The following FCHSD2 variants were observed in gnomAD, a reference collection of about 807,000 sequenced individuals.
The protein encoded by FCHSD2 is F-BAR and double SH3 domains protein 2.
Under a neutral mutation model 108.1 loss-of-function variants are expected in FCHSD2, and 38 were observed. The observed-to-expected ratio is 0.35, with a 90% CI of 0.27 to 0.46. The LOEUF (loss-of-function observed/expected upper bound fraction) is 0.46, where lower values mean the gene tolerates loss of function less well. Among genes scored for constraint, FCHSD2 ranks in the 20% least tolerant of loss-of-function variants. The pLI, the probability that FCHSD2 is intolerant of heterozygous loss-of-function variation, is 1.00. For synonymous variants in FCHSD2, 279 were observed against 314.7 expected (o/e 0.89, Z 1.20); for missense variants, 751 against 897.8 (o/e 0.84, Z 2.09).
At chr11:73,037,957 T>C (rs529817944) in intron 3 of FCHSD2, among the ~76,000 whole-genome samples, 38 of 152,352 alleles carry the variant, frequency 2.5e-4, no homozygotes, top group African/African-American at 8.9e-4. Flanking sequence ...ATTTTATTTT[T>C]ATATGAAATA....
intron 2 of FCHSD2, among the ~76,000 whole-genome samples, chr11:73,113,353 C>CT (rs35979371): frequency 0.032 from 947 of 29,924 alleles, 341 homozygotes; most frequent in Non-Finnish European, 0.043. Flanking sequence ...CCAAGATGGT[C>CT]TTTTTTTTTT....
intron 10 of FCHSD2, among the ~76,000 whole-genome samples, chr11:72,891,147 AT>A (rs1313064908): frequency 2.6e-5 from 4 of 151,976 alleles, no homozygotes; most frequent in African/African-American, 9.7e-5. Context: ...GGAGTTCAAC[AT>A]CTTGAACTCC....
intron 8 of FCHSD2, among the ~76,000 whole-genome samples, chr11:72,968,337 G>C (rs968005106): frequency 2.4e-4 from 36 of 152,254 alleles, no homozygotes; most frequent in African/African-American, 8.2e-4. Flanking sequence ...TTATCATTCT[G>C]TTTCCTAGAA....
chr11:72,864,435 CTCAGGAGGCTGAG>C (rs1854678445), intron 13 of FCHSD2, among the ~76,000 whole-genome samples: 1 of 152,086 alleles, frequency 6.6e-6, no homozygotes, highest in Non-Finnish European at 1.5e-5. Context: ...GTCCCAGCTA[CTCAGGAGGCTGAG>C]GCAGGAGGAT....
intron 3 of FCHSD2, among the ~76,000 whole-genome samples, chr11:73,029,915 A>T (rs1016179646): frequency 6.6e-6 from 1 of 152,174 alleles, no homozygotes; most frequent in African/African-American, 2.4e-5. Context: ...ATGTTAATCA[A>T]AAACAAAAGA....
chr11:73,056,443 C>T (rs1859027546), intron 3 of FCHSD2, among the ~76,000 whole-genome samples: 1 of 152,104 alleles, frequency 6.6e-6, no homozygotes, highest in African/African-American at 2.4e-5. Flanking sequence ...TTTTTTGTCT[C>T]CCTAGATTCT....
At chr11:73,119,024 A>T (rs933193410) in intron 2 of FCHSD2, among the ~76,000 whole-genome samples, 1 of 152,192 alleles carries the variant, frequency 6.6e-6, no homozygotes, top group Non-Finnish European at 1.5e-5. Context: ...TCTAAAGGCC[A>T]GGCGCGGTGA....
chr11:73,142,187 AG>A lies in FCHSD2; in HGVS notation c.-311del, dbSNP rs1861266463. ...CGGGGGCCCCAGGAGCAGGGGCGCGAGGGTCTCAGCCGGCCGGGCGGCGGGT... is the reference window on the plus strand; with the variant it reads ...CGGGGGCCCCAGGAGCAGGGGCGCGAGGTCTCAGCCGGCCGGGCGGCGGGT... On this transcript the variant is annotated 5_prime_UTR_variant, in exon 1 of 20. Transcript: ENST00000409418. 4.9e-6 allele frequency: 1 copy of A among 202,446 alleles called. No homozygotes were observed. Among genetic ancestry groups the A allele is most frequent in the Admixed American group, 6.0e-5 (1 of 16,572 alleles). 12.5% of individuals were successfully genotyped at this position (202,446 alleles called of 1,614,324 possible). A position where few individuals can be genotyped will look rare whatever the true frequency, so the allele number is the denominator to read the frequency against.
chr11:72,895,440 C>A (rs1399768675), intron 10 of FCHSD2, among the ~76,000 whole-genome samples: 1 of 152,152 alleles, frequency 6.6e-6, no homozygotes, highest in Admixed American at 6.5e-5. Flanking sequence ...TACCTAGAGG[C>A]ATGGTTAGAT....
At chr11:73,000,592 C>T (rs1857607178) in intron 5 of FCHSD2, among the ~76,000 whole-genome samples, 1 of 152,014 alleles carries the variant, frequency 6.6e-6, no homozygotes. Flanking sequence ...AATTATTATA[C>T]AAAATGGGTC....
intron 2 of FCHSD2, among the ~76,000 whole-genome samples, chr11:73,132,017 A>G (rs1861015460): frequency 1.3e-5 from 2 of 152,178 alleles, no homozygotes; most frequent in Non-Finnish European, 2.9e-5. Context: ...ATGCTATCAA[A>G]AGCCCAGGTG....
At chr11:73,137,325 C>A (rs561944189) in intron 2 of FCHSD2, among the ~76,000 whole-genome samples, 2 of 152,054 alleles carry the variant, frequency 1.3e-5, no homozygotes, top group Non-Finnish European at 2.9e-5. Flanking sequence ...CACACTAACT[C>A]CTTTAAAAAA....
intron 4 of FCHSD2, among the ~76,000 whole-genome samples, chr11:73,001,898 A>G (rs974373280): frequency 1.3e-5 from 2 of 152,188 alleles, no homozygotes; most frequent in Non-Finnish European, 2.9e-5. Flanking sequence ...TTTCTAGCCA[A>G]CTTCCTCTTC....
chr11:72,941,429 AAATT>A (rs1856416117), intron 8 of FCHSD2, among the ~76,000 whole-genome samples: 1 of 136,532 alleles, frequency 7.3e-6, no homozygotes, highest in South Asian at 2.2e-4. Flanking sequence ...TACAAATTAT[AAATT>A]ATGTTGGATG....
chr11:73,100,795 G>A (rs1243526248), intron 2 of FCHSD2, among the ~76,000 whole-genome samples: 2 of 152,016 alleles, frequency 1.3e-5, no homozygotes, highest in Non-Finnish European at 2.9e-5. Context: ...TCTAAATCTG[G>A]TGCTATTATC....
At chr11:72,882,299 G>A (rs1185889289) in intron 12 of FCHSD2, among the ~76,000 whole-genome samples, 5 of 151,716 alleles carry the variant, frequency 3.3e-5, no homozygotes, top group African/African-American at 1.2e-4. Flanking sequence ...AAAATTAGCC[G>A]GGCGTGGTGG....
At position 72,985,131 on chromosome 11, in the gene FCHSD2, G is replaced by C; in HGVS notation, c.522-15C>G. ...TAAGTTTAGATCTATAATAAAAATA[G>C]AAAAGTATGTTTAATAAAATCATCT... On this transcript the variant is annotated splice_polypyrimidine_tract_variant and intron_variant, in intron 6 of 19. Coordinates refer to ENST00000409418, the MANE Select transcript of FCHSD2 (RefSeq NM_014824.3). The C allele has an allele frequency of 1.2e-6, 1 of 838,150 alleles. No individual in the cohort carries two copies. Among genetic ancestry groups the C allele is most frequent in the Non-Finnish European group, 1.9e-6 (1 of 535,268 alleles). The allele number at this position is 838,150 out of a possible 1,614,324, so 51.9% of individuals were successfully genotyped here. A position where few individuals can be genotyped will look rare whatever the true frequency, so the allele number is the denominator to read the frequency against.
At chr11:73,036,869 T>C (rs1858511257) in intron 3 of FCHSD2, among the ~76,000 whole-genome samples, 1 of 152,186 alleles carries the variant, frequency 6.6e-6, no homozygotes, top group African/African-American at 2.4e-5. Flanking sequence ...AATACACATA[T>C]TCTGCTTAAT....
chr11:72,943,358 T>C (rs967110460), intron 8 of FCHSD2, among the ~76,000 whole-genome samples: 3 of 152,184 alleles, frequency 2.0e-5, no homozygotes, highest in African/African-American at 4.8e-5. Context: ...AATTCAACTA[T>C]AGTTAGGATT....
Sources: gnomAD v4.1 joint callset for allele counts (sites outside exome capture counted in the v4.1 genomes callset) on GRCh38, gnomAD v4.1.1 for gene constraint, MANE v1.5 for transcripts, NCBI Gene and HGNC (gene_info 2026-07-23, HGNC 2026-07-21) for gene names.